The following AXDND1 variants were observed in gnomAD, a reference collection of about 807,000 sequenced individuals.
The protein encoded by AXDND1 is axonemal dynein light chain domain-containing protein 1.
In AXDND1, 110 loss-of-function variants were observed where a neutral mutation model predicts 137.5. That is an observed-to-expected ratio of 0.80 (90% CI 0.69 to 0.94). The LOEUF is 0.94. Among genes scored for constraint, AXDND1 ranks in the 40% least tolerant of loss-of-function variants. AXDND1 has a pLI of 0.00. For synonymous variants in AXDND1, 414 were observed against 399.7 expected (o/e 1.04, Z -0.43); for missense variants, 1,191 against 1,169.8 (o/e 1.02, Z -0.26).
rs892708511 is a variant in AXDND1 at position 179,468,627 on chromosome 1, T to C, written c.1983T>C (p.Asp661=). ...CTGGTATTGTTCCACAGCACATAGA[T>C]GTGGATTCTGTTTCGTAAGTTCCCA... ...NLTGIVPQHI[D]VDSVSVLQAY... Residue 661 remains aspartate (D), a synonymous_variant, in exon 17 of 26, where the codon GAT becomes GAC. Coordinates refer to ENST00000367618, the MANE Select transcript of AXDND1 (RefSeq NM_144696.6). 6.3e-7 allele frequency: 1 copy of C among 1,597,010 alleles called. No homozygotes were observed. Among genetic ancestry groups the C allele is most frequent in the African/African-American group, 1.3e-5 (1 of 74,148 alleles).
At chr1:179,372,285 C>G (rs1428115135) in intron 4 of AXDND1, among the ~76,000 whole-genome samples, 2 of 152,114 alleles carry the variant, frequency 1.3e-5, no homozygotes, top group Non-Finnish European at 2.9e-5. Context: ...ATATTTTAAG[C>G]AGGAAAGAAT....
At chr1:179,499,752 T>C (rs929205074) in intron 20 of AXDND1, among the ~76,000 whole-genome samples, 1 of 152,158 alleles carries the variant, frequency 6.6e-6, no homozygotes, top group South Asian at 2.1e-4. Context: ...CAAAAAATTA[T>C]TTCAGGAATG....
intron 9 of AXDND1, among the ~76,000 whole-genome samples, chr1:179,389,122 C>T (rs951857747): frequency 2.0e-5 from 3 of 151,672 alleles, no homozygotes; most frequent in Admixed American, 6.6e-5. Context: ...TACAGGCATG[C>T]GCCACCATGC....
rs527560367 is a variant in AXDND1 at position 179,397,834 on chromosome 1, A to G, written c.1109+2632A>G. ...TATTGTAGAACATTTTTTCAGCTCT[A>G]TCAGCCCAGTTACAGTCTTTTTTAT... On this transcript the variant is annotated intron_variant, in intron 11 of 25. Coordinates refer to ENST00000367618, the MANE Select transcript of AXDND1 (RefSeq NM_144696.6). Among the ~76,000 whole-genome samples, 5 of 152,232 alleles carry G rather than the reference A, an allele frequency of 3.3e-5. No individual in the cohort carries two copies. In the East Asian group the frequency reaches 5.8e-4, roughly 18 times the overall value.
chr1:179,402,930 A>G (rs1324106284), intron 11 of AXDND1, among the ~76,000 whole-genome samples: 1 of 152,230 alleles, frequency 6.6e-6, no homozygotes, highest in Admixed American at 6.5e-5. Context: ...CCTTACTAGC[A>G]GCATTTGTCA....
At position 179,385,471 on chromosome 1, in the gene AXDND1, G is replaced by T. The variant is rs982413595; in HGVS notation, c.863+112G>T. 4.9e-6 allele frequency: 6 copies of T among 1,221,430 alleles called. No homozygotes were observed. In the East Asian group the frequency reaches 1.2e-4, roughly 24 times the overall value. 75.7% of individuals were successfully genotyped at this position (1,221,430 alleles called of 1,614,324 possible). A position where few individuals can be genotyped will look rare whatever the true frequency, so the allele number is the denominator to read the frequency against. On this transcript the variant is annotated intron_variant, in intron 9 of 25. Transcript: ENST00000367618. ...AGTGCACTTCTCTATTCTACTGATC[G>T]TAAGTAATCTAACTGCATTTTTTTT...
chr1:179,471,532 AAAG>A (rs1663935890), intron 17 of AXDND1, among the ~76,000 whole-genome samples: 1 of 152,194 alleles, frequency 6.6e-6, no homozygotes, highest in South Asian at 2.1e-4. Flanking sequence ...TTTATTTCTG[AAAG>A]AAGATCAGTG....
At chr1:179,448,350 T>C (rs1660031116) in intron 16 of AXDND1, 1 of 699,250 alleles carries the variant, frequency 1.4e-6, no homozygotes, top group South Asian at 1.6e-5. Flanking sequence ...TCATAGGCTT[T>C]CTTCATTAAT....
intron 12 of AXDND1, among the ~76,000 whole-genome samples, chr1:179,418,649 C>G (rs1296237428): frequency 2.0e-5 from 3 of 146,834 alleles, no homozygotes; most frequent in Non-Finnish European, 4.5e-5. Flanking sequence ...CCGGACGGGG[C>G]GGCTGGCCGG....
intron 16 of AXDND1, chr1:179,450,321 A>T (rs1347780380): frequency 6.6e-6 from 1 of 152,130 alleles, no homozygotes; most frequent in Admixed American, 6.6e-5. Context: ...GGATTCTTGT[A>T]TTTATTTTTC....
chr1:179,418,345 T>C (rs1655028410), intron 12 of AXDND1, among the ~76,000 whole-genome samples: 1 of 152,168 alleles, frequency 6.6e-6, no homozygotes, highest in African/African-American at 2.4e-5. Flanking sequence ...GCAGAAGAAT[T>C]TTTCTTAGTA....
At chr1:179,398,835 T>C (rs1651482836) in intron 11 of AXDND1, among the ~76,000 whole-genome samples, 1 of 149,140 alleles carries the variant, frequency 6.7e-6, no homozygotes, top group Non-Finnish European at 1.5e-5. Context: ...CCACCAAGGC[T>C]GTCACTGTAA....
intron 16 of AXDND1, among the ~76,000 whole-genome samples, chr1:179,465,740 T>C (rs1571955393): frequency 6.6e-6 from 1 of 152,216 alleles, no homozygotes; most frequent in South Asian, 2.1e-4. Context: ...CAGAGGCAGG[T>C]GGGCCTCCTT....
intron 2 of AXDND1, among the ~76,000 whole-genome samples, chr1:179,367,359 C>A (rs553414845): frequency 1.3e-5 from 2 of 151,810 alleles, no homozygotes; most frequent in South Asian, 4.1e-4. Context: ...ACTAAAAATA[C>A]AAAAATTAGG....
intron 1 of AXDND1, 184 bp downstream of exon 1, chr1:179,366,184 T>G (rs1667372899): frequency 5.9e-6 from 1 of 168,752 alleles, no homozygotes; most frequent in Non-Finnish European, 1.3e-5. Flanking sequence ...GTGCCGGCGG[T>G]CTGCGGGGTC....
chr1:179,421,072 C>T (rs143512510), intron 12 of AXDND1, among the ~76,000 whole-genome samples: 1 of 142,334 alleles, frequency 7.0e-6, no homozygotes, highest in African/African-American at 2.9e-5. Context: ...TTCCTTCCTT[C>T]CTTCCTTCCT....
rs1358333980 is a variant in AXDND1, at chr1:179,368,784, T to C, written c.98-16T>C. 6.3e-7 allele frequency: 1 copy of C among 1,583,950 alleles called. No individual in the cohort carries two copies. Among genetic ancestry groups the C allele is most frequent in the East Asian group, 2.2e-5 (1 of 44,704 alleles). On this transcript the variant is annotated splice_polypyrimidine_tract_variant and intron_variant, in intron 2 of 25. Transcript: ENST00000367618. ...AAATATATAGTAAGAGTTTTTCTTT[T>C]CCACTACTTACTTAGGACTTCCTGA...
chr1:179,452,721 AGAAAAG>A (rs1660725952), intron 16 of AXDND1: 1 of 123,684 alleles, frequency 8.1e-6, no homozygotes, highest in Admixed American at 8.3e-5. Context: ...AAAAAAAAAA[AGAAAAG>A]AAAATCCCAT....
At chr1:179,448,154 G>A in intron 16 of AXDND1, 1 of 945,698 alleles carries the variant, frequency 1.1e-6, no homozygotes, top group Non-Finnish European at 1.7e-6. Context: ...AAGTATCAGG[G>A]TCTGAGCTGT....
Sources: gnomAD v4.1 joint callset for allele counts (sites outside exome capture counted in the v4.1 genomes callset) on GRCh38, gnomAD v4.1.1 for gene constraint, MANE v1.5 for transcripts, NCBI Gene and HGNC (gene_info 2026-07-23, HGNC 2026-07-21) for gene names.